The following RNF150 variants were observed in gnomAD, a reference collection of about 807,000 sequenced individuals.
RNF150 encodes the protein ring finger protein 150.
A neutral mutation model predicts 39.3 loss-of-function variants in RNF150; 24 were observed. That is an observed-to-expected ratio of 0.61 (90% CI 0.44 to 0.86). The LOEUF (loss-of-function observed/expected upper bound fraction) is 0.86. Ranked by LOEUF, RNF150 falls within the 40% of genes least tolerant of loss-of-function variation. RNF150 has a pLI of 0.00. For synonymous variants in RNF150, 255 were observed against 227.3 expected (o/e 1.12, Z -1.10); for missense variants, 502 against 587.8 (o/e 0.85, Z 1.51).
chr4:141,038,952 G>A (rs1165704631), intron 1 of RNF150, among the ~76,000 whole-genome samples: 3 of 152,080 alleles, frequency 2.0e-5, no homozygotes, highest in African/African-American at 7.2e-5. Context: ...GGAGGCTCTG[G>A]GTGGTAGCCC....
intron 1 of RNF150, among the ~76,000 whole-genome samples, chr4:141,104,253 C>T (rs1739123232): frequency 6.6e-6 from 1 of 152,110 alleles, no homozygotes; most frequent in African/African-American, 2.4e-5. Flanking sequence ...GCTGAGATCC[C>T]AAAAGGTTTC....
intron 1 of RNF150, among the ~76,000 whole-genome samples, chr4:141,152,835 G>A (rs1175427948): frequency 2.0e-5 from 3 of 152,094 alleles, no homozygotes; most frequent in Admixed American, 2.0e-4. Flanking sequence ...TATAGGCAGT[G>A]TTTTTATAAA....
rs111886573 is a variant in RNF150 at position 141,153,547 on chromosome 4, A to G, written c.-6+59247T>C. Among the ~76,000 whole-genome samples the G allele has an allele frequency of 3.8e-3, 579 of 152,316 alleles. 3 individuals are homozygous for G. The highest frequency in any genetic ancestry group is 0.013 in the African/African-American group (542 of 41,562). On this transcript the variant is annotated intron_variant, in intron 1 of 7. Transcript: ENST00000420921. Reference sequence around the variant, plus strand: ...GAGAAAATAAATTTCTGTTGTCTAAAGACACCCAGTCTGTGGTAATTTGTT... The same window carrying G: ...GAGAAAATAAATTTCTGTTGTCTAAGGACACCCAGTCTGTGGTAATTTGTT...
At chr4:141,139,857 A>G (rs544443456) in intron 1 of RNF150, among the ~76,000 whole-genome samples, 1 of 152,284 alleles carries the variant, frequency 6.6e-6, no homozygotes, top group East Asian at 1.9e-4. Context: ...GTATGATTTT[A>G]AGGGCTATAC....
chr4:141,102,652 T>A (rs920005354), intron 1 of RNF150, among the ~76,000 whole-genome samples: 3 of 152,184 alleles, frequency 2.0e-5, no homozygotes, highest in Non-Finnish European at 4.4e-5. Flanking sequence ...GCACCATGAT[T>A]ATCGCAACAG....
rs546797704 is a variant in RNF150 at position 141,181,357 on chromosome 4, A to G, written c.-6+31437T>C. Among the ~76,000 whole-genome samples, 5 of 152,348 alleles carry G rather than the reference A, an allele frequency of 3.3e-5. No individual in the cohort carries two copies. In the South Asian group the frequency reaches 1.0e-3, roughly 32 times the overall value. On this transcript the variant is annotated intron_variant, in intron 1 of 7. Coordinates refer to the RNF150 transcript ENST00000420921. ...ATGAAAGAAAGAAAATAGAATCCAT[A>G]TAATATTCCTGTAACTGTGGCTGGT... is the stretch of plus-strand genomic sequence containing the variant.
chr4:140,970,620 A>AC (rs35939645), intron 1 of RNF150, among the ~76,000 whole-genome samples: 76,081 of 151,754 alleles, frequency 0.5, 19,553 homozygotes, highest in East Asian at 0.79. Flanking sequence ...AAGGCTTTAA[A>AC]TACTCATCAT....
At chr4:141,058,130 T>G in intron 1 of RNF150, among the ~76,000 whole-genome samples, 1 of 152,172 alleles carries the variant, frequency 6.6e-6, no homozygotes, top group East Asian at 1.9e-4. Context: ...CCTGTTAAAA[T>G]GACTAAATAT....
At chr4:140,880,962 T>A (rs534339698) in intron 6 of RNF150, among the ~76,000 whole-genome samples, 1 of 152,292 alleles carries the variant, frequency 6.6e-6, no homozygotes, top group African/African-American at 2.4e-5. Flanking sequence ...AAAACACAAA[T>A]TCTAAGTTTG....
rs868012840 is a variant in RNF150 at position 140,867,407 on chromosome 4, A to C, written c.*854T>G. 2.0e-5 allele frequency: 3 copies of C among 152,240 alleles called. No homozygotes were observed. The highest frequency in any genetic ancestry group is 2.9e-5 in the Non-Finnish European group (2 of 68,048). 9.4% of individuals were successfully genotyped at this position (152,240 alleles called of 1,614,324 possible). A position where few individuals can be genotyped will look rare whatever the true frequency, so the allele number is the denominator to read the frequency against. ...TTTTAAAACCAGCCCTACAACCACC[A>C]AAGACTGGATGCCTTGGAGGGGACT... On this transcript the variant is annotated 3_prime_UTR_variant, in exon 7 of 7. Transcript: ENST00000515673.
intron 1 of RNF150, among the ~76,000 whole-genome samples, chr4:140,970,673 G>A (rs1477718911): frequency 6.6e-6 from 1 of 152,146 alleles, no homozygotes; most frequent in Non-Finnish European, 1.5e-5. Flanking sequence ...TTCCTGTAGG[G>A]TAAAGTATAA....
At chr4:140,870,394 T>C (rs762436695) in intron 6 of RNF150, among the ~76,000 whole-genome samples, 29 of 152,176 alleles carry the variant, frequency 1.9e-4, no homozygotes, top group African/African-American at 3.6e-4. Flanking sequence ...TGCCTCACAC[T>C]TCACTACAAA....
At chr4:140,873,888 G>A (rs1171726262) in intron 6 of RNF150, among the ~76,000 whole-genome samples, 1 of 152,050 alleles carries the variant, frequency 6.6e-6, no homozygotes, top group African/African-American at 2.4e-5. Context: ...TGCCCAGGCT[G>A]GTGTTGAACT....
intron 1 of RNF150, among the ~76,000 whole-genome samples, chr4:140,986,596 T>C (rs922596021): frequency 6.6e-6 from 1 of 152,054 alleles, no homozygotes; most frequent in African/African-American, 2.4e-5. Flanking sequence ...TTTATCAATT[T>C]TAGACATTTT....
At chr4:141,152,488 G>A (rs528807777) in intron 1 of RNF150, among the ~76,000 whole-genome samples, 7 of 152,148 alleles carry the variant, frequency 4.6e-5, no homozygotes, top group African/African-American at 1.4e-4. Context: ...AAAACATAAA[G>A]TGCCATCCAT....
intron 1 of RNF150, among the ~76,000 whole-genome samples, chr4:141,125,031 GA>G (rs1215475678): frequency 6.6e-6 from 1 of 152,076 alleles, no homozygotes; most frequent in Non-Finnish European, 1.5e-5. Context: ...TGGAATGGGC[GA>G]AGTAAAAAAG....
rs1728648548 is a variant in RNF150, at chr4:140,865,116, G to C, written c.*3145C>G. On this transcript the variant is annotated 3_prime_UTR_variant, in exon 7 of 7. Transcript: ENST00000515673. ...AGCCACATGTGACTATCCAAATTGA[G>C]AGGTGCTGTGAGTGTAAAAGACACA... 1 of 152,166 alleles carries C rather than the reference G, an allele frequency of 6.6e-6. No homozygotes were observed. Among genetic ancestry groups the C allele is most frequent in the Non-Finnish European group, 1.5e-5 (1 of 68,038 alleles). The allele number at this position is 152,166 out of a possible 1,614,324, so 9.4% of individuals were successfully genotyped here.
Position 141,132,857 on chromosome 4 carries a change from C to G in RNF150, c.-49G>C, listed in dbSNP as rs905632643. The G allele has an allele frequency of 5.3e-6, 8 of 1,498,458 alleles. No homozygotes were observed. Among genetic ancestry groups the G allele is most frequent in the South Asian group, 2.3e-5 (2 of 85,782 alleles). The allele number at this position is 1,498,458 out of a possible 1,614,324, so 92.8% of individuals were successfully genotyped here. A position where few individuals can be genotyped will look rare whatever the true frequency, so the allele number is the denominator to read the frequency against. On this transcript the variant is annotated 5_prime_UTR_variant, in exon 1 of 7. Transcript: ENST00000515673. This position sits in a 1 kb window ranked among gnomAD's most constrained non-coding sequence, Gnocchi z 4.9. ...CCGCCCCCGCGCCCTCCCTCCGTCC[C>G]GTCCCTCCTCCCCAGCCCCGGCCAA...
chr4:141,189,045 G>A (rs1033046801), intron 1 of RNF150, among the ~76,000 whole-genome samples: 2 of 152,172 alleles, frequency 1.3e-5, no homozygotes, highest in Admixed American at 6.5e-5. Context: ...CGATGCTTAC[G>A]ACCTTTGGAT....
Sources: allele counts gnomAD v4.1 joint callset (sites outside exome capture counted in the v4.1 genomes callset), GRCh38; gene constraint gnomAD v4.1.1; non-coding constraint Gnocchi (gnomAD v3.1); transcripts MANE v1.5; gene names NCBI Gene and HGNC (gene_info 2026-07-23, HGNC 2026-07-21).